VWA3B: variants seen among roughly 807,000 people sequenced by gnomAD.
The protein encoded by VWA3B is von Willebrand factor A domain containing 3B, also known as von Willebrand factor A domain-containing protein 3B.
A neutral mutation model predicts 158.3 loss-of-function variants in VWA3B; 138 were observed. That is an observed-to-expected ratio of 0.87 (90% CI 0.76 to 1.00). VWA3B has a LOEUF of 1.00. VWA3B is among the 50% of genes least tolerant of loss of function. The probability of loss-of-function intolerance (pLI) is 0.00; values close to 1 mark genes in which losing one functional copy is unlikely to be tolerated. For synonymous variants in VWA3B, 596 were observed against 587.3 expected, an observed-to-expected ratio of 1.01 and a Z score of -0.21; for missense variants, 1,555 against 1,565.1, an observed-to-expected ratio of 0.99 and a Z score of 0.11.
At position 98,181,112 on chromosome 2, in the gene VWA3B, T is replaced by G; in HGVS notation, c.1211T>G (p.Leu404Arg). Residue 404 changes from leucine (L) to arginine (R), a missense_variant, in exon 9 of 28, where the codon CTA (leucine) becomes CGA (arginine). Leu to Arg is a moderately radical substitution (Grantham distance 102, BLOSUM62 -2). Coordinates refer to ENST00000477737, the MANE Select transcript of VWA3B (RefSeq NM_144992.5). The part of the protein sequence containing the change: ...LQKYGLKAQK[L>R]SLYDVLADCS... ...AAATATGGCTTGAAGGCCCAGAAGC[T>G]ATCCTTGTATGATGTGCTTGCCGAC... 6.2e-7 allele frequency: 1 copy of G among 1,614,248 alleles called. No individual in the cohort carries two copies. The highest frequency in any genetic ancestry group is 8.5e-7 in the Non-Finnish European group (1 of 1,180,038).
intron 7 of VWA3B, among the ~76,000 whole-genome samples, chr2:98,140,491 C>T (rs1020656543): frequency 6.6e-6 from 1 of 152,186 alleles, no homozygotes; most frequent in African/African-American, 2.4e-5. Flanking sequence ...GGATCCCTGC[C>T]CCTGTTACCA....
At chr2:98,326,994 T>TG in the VWA3B span, among the ~76,000 whole-genome samples, 1 of 147,164 alleles carries the variant, frequency 6.8e-6, no homozygotes, top group Non-Finnish European at 1.5e-5. Flanking sequence ...TTGAGTCACT[T>TG]GAAAAAAAAA....
In VWA3B at chr2:98,128,427, C is replaced by T. The variant is rs965428654; in HGVS notation, c.872+19C>T. On this transcript the variant is annotated intron_variant, in intron 6 of 27. Coordinates refer to ENST00000477737, the MANE Select transcript of VWA3B (RefSeq NM_144992.5). ...ACAGCAGGTAGGCAGAAAATGTGCT[C>T]TTGAGTGACAGCAAGCGGGTTGCCT... 1 of 1,607,600 alleles carries T rather than the reference C, an allele frequency of 6.2e-7. No individual in the cohort carries two copies. Among genetic ancestry groups the T allele is most frequent in the South Asian group, 1.1e-5 (1 of 90,872 alleles).
At chr2:98,266,011 G>A (rs1299262488) in intron 21 of VWA3B, among the ~76,000 whole-genome samples, 4 of 145,446 alleles carry the variant, frequency 2.8e-5, no homozygotes. Context: ...TCACTCTGAT[G>A]GTAGTTTCTT....
chr2:98,200,546 A>ACCCCCC (rs1439869265), intron 12 of VWA3B, among the ~76,000 whole-genome samples: 10 of 149,786 alleles, frequency 6.7e-5, no homozygotes, highest in Admixed American at 6.6e-5. Context: ...CCATCTCAAA[A>ACCCCCC]AAAAAAAAAA....
intron 19 of VWA3B, among the ~76,000 whole-genome samples, chr2:98,241,846 T>A (rs1395255440): frequency 6.6e-6 from 1 of 152,136 alleles, no homozygotes. Flanking sequence ...AGAATCACTC[T>A]GATGACAGGC....
At chr2:98,214,065 C>T (rs1574098297) in intron 13 of VWA3B, among the ~76,000 whole-genome samples, 1 of 151,970 alleles carries the variant, frequency 6.6e-6, no homozygotes, top group Non-Finnish European at 1.5e-5. Flanking sequence ...GTGGTGTGCA[C>T]CTGTAGTCCT....
At chr2:98,320,570 A>T in the VWA3B span, among the ~76,000 whole-genome samples, 1 of 152,234 alleles carries the variant, frequency 6.6e-6, no homozygotes, top group African/African-American at 2.4e-5. Context: ...ATGGACAATA[A>T]AGTCCAGGCT....
intron 20 of VWA3B, 82 bp downstream of exon 20, chr2:98,250,518 T>A: frequency 2.2e-5 from 4 of 182,332 alleles, no homozygotes; most frequent in South Asian, 1.5e-4. Flanking sequence ...TTAGCTTAGC[T>A]TTTTTTTTTT....
At chr2:98,199,267 G>A (rs1682329224) in intron 12 of VWA3B, among the ~76,000 whole-genome samples, 1 of 152,128 alleles carries the variant, frequency 6.6e-6, no homozygotes, top group Non-Finnish European at 1.5e-5. Flanking sequence ...CTTGTTGAAG[G>A]CTATCTGTGT....
the VWA3B span, among the ~76,000 whole-genome samples, chr2:98,319,876 T>TCACA: frequency 0.15 from 22,754 of 147,262 alleles, 1,940 homozygotes; most frequent in Admixed American, 0.18. Flanking sequence ...TGAGACTCCA[T>TCACA]CACACACACA....
Position 98,093,218 on chromosome 2 carries a change from G to A in VWA3B, c.126G>A (p.Leu42=). 6.2e-7 allele frequency: 1 copy of A among 1,614,130 alleles called. No homozygotes were observed. The change falls in exon 2 of 28, where the codon CTG becomes CTA. Residue 42 remains leucine (L), a synonymous_variant. Coordinates refer to ENST00000477737, the MANE Select transcript of VWA3B (RefSeq NM_144992.5). ...SLISSEKWLQ[L]HGLKSNKLTL... ...TTTCATCTGAGAAATGGCTTCAACT[G>A]CATGGGCTTAAGAGCAACAAATTGA...
At chr2:98,208,905 G>A (rs1683254230) in intron 12 of VWA3B, among the ~76,000 whole-genome samples, 1 of 152,054 alleles carries the variant, frequency 6.6e-6, no homozygotes. Context: ...AAGCTTTCAT[G>A]AATGCTTCTT....
intron 16 of VWA3B, 78 bp downstream of exon 16, chr2:98,230,285 T>C (rs1685246862): frequency 3.0e-6 from 4 of 1,347,360 alleles, no homozygotes; most frequent in Admixed American, 5.6e-5. Flanking sequence ...TAAACCCACA[T>C]AATATTTTTA....
At chr2:98,254,883 G>T (rs1687014882) in intron 20 of VWA3B, among the ~76,000 whole-genome samples, 1 of 152,190 alleles carries the variant, frequency 6.6e-6, no homozygotes, top group Non-Finnish European at 1.5e-5. Flanking sequence ...CAGGGCAGGA[G>T]AATGCAGCCA....
chr2:98,127,795 G>A (rs1322680000), intron 5 of VWA3B, among the ~76,000 whole-genome samples: 2 of 152,270 alleles, frequency 1.3e-5, no homozygotes, highest in South Asian at 2.1e-4. Context: ...CTGAGGATGT[G>A]CCCTCCTTTC....
chr2:98,230,737 T>C (rs529527826), intron 16 of VWA3B, among the ~76,000 whole-genome samples: 2 of 152,076 alleles, frequency 1.3e-5, no homozygotes, highest in Non-Finnish European at 2.9e-5. Flanking sequence ...CCCCCTAAAA[T>C]TGGGGGAAAG....
At chr2:98,134,974 C>A (rs976264183) in intron 7 of VWA3B, among the ~76,000 whole-genome samples, 1 of 152,012 alleles carries the variant, frequency 6.6e-6, no homozygotes, top group African/African-American at 2.4e-5. Context: ...GTAATGGAAA[C>A]CTTTGTTCCA....
intron 12 of VWA3B, among the ~76,000 whole-genome samples, chr2:98,211,305 G>T (rs1427147000): frequency 6.6e-6 from 1 of 152,136 alleles, no homozygotes; most frequent in Non-Finnish European, 1.5e-5. Flanking sequence ...CTCTACTGAT[G>T]GTCCCTTGGT....
Sources: gnomAD v4.1 joint callset for allele counts (sites outside exome capture counted in the v4.1 genomes callset) on GRCh38, gnomAD v4.1.1 for gene constraint, MANE v1.5 for transcripts, NCBI Gene and HGNC (gene_info 2026-07-23, HGNC 2026-07-21) for gene names.